The following ACACA variants were observed in gnomAD, a reference collection of about 807,000 sequenced individuals.
ACACA encodes acetyl-CoA carboxylase 1.
ACACA carries 103 observed loss-of-function variants against 296.1 expected under a neutral mutation model. That is an observed-to-expected ratio of 0.35 (90% CI 0.30 to 0.41). The LOEUF (loss-of-function observed/expected upper bound fraction) is 0.41, where lower values mean the gene tolerates loss of function less well. Ranked by LOEUF, ACACA falls within the 10% of genes least tolerant of loss-of-function variation. The pLI is 1.00. For missense variants in ACACA, 1,554 were observed against 2,989.7 expected (o/e 0.52, Z 11.20); for synonymous variants, 953 against 1,038.6 (o/e 0.92, Z 1.58).
intron 33 of ACACA, among the ~76,000 whole-genome samples, chr17:37,204,217 C>A (rs1036821297): frequency 6.6e-6 from 1 of 152,208 alleles, no homozygotes; most frequent in African/African-American, 2.4e-5. Flanking sequence ...ACTTTGCTAT[C>A]TATCACATAT....
intron 1 of ACACA, among the ~76,000 whole-genome samples, chr17:37,358,444 A>C (rs1434824265): frequency 2.0e-5 from 3 of 152,264 alleles, no homozygotes; most frequent in African/African-American, 7.2e-5. Flanking sequence ...TCCTGGGAAC[A>C]GGAACTGGCA....
At chr17:37,371,004 A>G (rs1204691713) in intron 1 of ACACA, among the ~76,000 whole-genome samples, 1 of 151,894 alleles carries the variant, frequency 6.6e-6, no homozygotes, top group Non-Finnish European at 1.5e-5. Context: ...AAATACATAG[A>G]GTTTGATTCC....
chr17:37,350,961 T>G (rs2048871203), intron 1 of ACACA, among the ~76,000 whole-genome samples: 1 of 147,548 alleles, frequency 6.8e-6, no homozygotes, highest in African/African-American at 2.5e-5. Context: ...GGTAAAACCC[T>G]GTCTCTATTA....
At chr17:37,224,965 G>T (rs901637700) in intron 27 of ACACA, 27 bp downstream of exon 27, 1 of 999,384 alleles carries the variant, frequency 1.0e-6, no homozygotes, top group Non-Finnish European at 1.4e-6. Context: ...GCAGGAAAGG[G>T]TTATATATAT....
At chr17:37,395,282 TA>T (rs1277814490) in intron 1 of ACACA, among the ~76,000 whole-genome samples, 1 of 151,646 alleles carries the variant, frequency 6.6e-6, no homozygotes, top group African/African-American at 2.4e-5. Flanking sequence ...TACAAAAAAT[TA>T]GTTGGGCATG....
At chr17:37,179,147 G>T (rs2077226099) in intron 41 of ACACA, 113 bp downstream of exon 41, 2 of 1,327,170 alleles carry the variant, frequency 1.5e-6, no homozygotes, top group East Asian at 2.4e-5. Flanking sequence ...TCTCTCTAAA[G>T]AACTCTCCCA....
chr17:37,344,453 G>A (rs1369467387), intron 1 of ACACA, among the ~76,000 whole-genome samples: 3 of 152,128 alleles, frequency 2.0e-5, no homozygotes, highest in Admixed American at 1.3e-4. Context: ...AGCTACCTGG[G>A]AGGCTGAGGC....
chr17:37,377,905 G>A, intron 1 of ACACA: 1 of 1,613,654 alleles, frequency 6.2e-7, no homozygotes, highest in Non-Finnish European at 8.5e-7. Context: ...TTGCCGACTG[G>A]AACAGCTGCC....
At chr17:37,379,424 G>C in intron 1 of ACACA, 1 of 1,590,376 alleles carries the variant, frequency 6.3e-7, no homozygotes, top group African/African-American at 1.3e-5. Flanking sequence ...CTAACTTTTA[G>C]TTGACATCCT....
chr17:37,089,136 A>G (rs2142473863), intron 54 of ACACA, 62 bp from the exon 55 acceptor site: 1 of 1,611,730 alleles, frequency 6.2e-7, no homozygotes, highest in Non-Finnish European at 8.5e-7. Flanking sequence ...CACCCTGACT[A>G]TTCAGGATCT....
intron 52 of ACACA, among the ~76,000 whole-genome samples, chr17:37,111,193 G>A (rs773741514): frequency 1.4e-4 from 22 of 151,922 alleles, no homozygotes; most frequent in Non-Finnish European, 2.8e-4. Flanking sequence ...GCAGAAACAG[G>A]ACATATTTAA....
Position 37,130,236 on chromosome 17 carries a change from A to G in ACACA, c.5680-18T>C. 2 of 1,614,098 alleles carry G rather than the reference A, an allele frequency of 1.2e-6. No homozygotes were observed. The highest frequency in any genetic ancestry group is 1.7e-6 in the Non-Finnish European group (2 of 1,179,898). The stretch of plus-strand genomic sequence containing the variant: ...CCGAGGACCTAGAGAAAAGAGCAAG[A>G]GAAAAGACATTTGTCTCTATAGAAA... On this transcript the variant is annotated intron_variant, in intron 45 of 55. Transcript: ENST00000616317.
At chr17:37,260,317 G>T (rs1165230561) in intron 11 of ACACA, among the ~76,000 whole-genome samples, 11 of 34,018 alleles carry the variant, frequency 3.2e-4, no homozygotes, top group South Asian at 2.3e-3. Context: ...TTTTTTTTTT[G>T]GAGATGGAGT....
At chr17:37,219,082 G>C (rs1429362693) in intron 29 of ACACA, among the ~76,000 whole-genome samples, 13 of 152,212 alleles carry the variant, frequency 8.5e-5, no homozygotes, top group Admixed American at 8.5e-4. Context: ...CCAACTGTGT[G>C]ATTAGAAGGT....
chr17:37,235,615 T>C (rs2080073563), intron 24 of ACACA, among the ~76,000 whole-genome samples: 1 of 152,280 alleles, frequency 6.6e-6, no homozygotes, highest in South Asian at 2.1e-4. Context: ...CCCTAATCAG[T>C]AGGAACAGTT....
intron 1 of ACACA, among the ~76,000 whole-genome samples, chr17:37,353,625 C>G (rs1597687140): frequency 1.1e-5 from 1 of 94,514 alleles, no homozygotes; most frequent in East Asian, 3.6e-4. Flanking sequence ...GGCGACAGAG[C>G]AAGACTCCGT....
At chr17:37,139,136 G>A (rs1207374144) in intron 45 of ACACA, among the ~76,000 whole-genome samples, 7 of 152,098 alleles carry the variant, frequency 4.6e-5, no homozygotes, top group Non-Finnish European at 1.0e-4. Flanking sequence ...TAGAAAGAGA[G>A]ACAGGTGAAG....
chr17:37,293,941 A>T (rs2083204485), intron 3 of ACACA, among the ~76,000 whole-genome samples: 1 of 152,264 alleles, frequency 6.6e-6, no homozygotes, highest in Admixed American at 6.5e-5. Context: ...TTCTATAAAC[A>T]GAGATATCAG....
At chr17:37,242,238 A>G (rs2080450798) in intron 22 of ACACA, among the ~76,000 whole-genome samples, 185 bp from the exon 23 acceptor site, 1 of 152,178 alleles carries the variant, frequency 6.6e-6, no homozygotes, top group African/African-American at 2.4e-5. Flanking sequence ...ATAAGCAAGC[A>G]GATTTCATCC....
Sources: allele counts gnomAD v4.1 joint callset (sites outside exome capture counted in the v4.1 genomes callset), GRCh38; gene constraint gnomAD v4.1.1; transcripts MANE v1.5; gene names NCBI Gene and HGNC (gene_info 2026-07-23, HGNC 2026-07-21).